The following PCLO variants were observed in gnomAD, a reference collection of about 807,000 sequenced individuals.
PCLO encodes protein piccolo.
A neutral mutation model predicts 427.5 loss-of-function variants in PCLO; 82 were observed. The ratio of observed to expected loss-of-function variants is 0.19; its 90% CI spans 0.16 to 0.23. The LOEUF is 0.23. Ranked by LOEUF, PCLO falls within the 10% of genes least tolerant of loss-of-function variation. The pLI, the probability that PCLO is intolerant of heterozygous loss-of-function variation, is 1.00. For missense variants in PCLO, 6,239 were observed against 6,115.9 expected (o/e 1.02, Z -0.67); for synonymous variants, 2,357 against 2,155.4 (o/e 1.09, Z -2.59).
At chr7:83,099,040 G>T (rs1790666545) in intron 3 of PCLO, among the ~76,000 whole-genome samples, 1 of 151,824 alleles carries the variant, frequency 6.6e-6, no homozygotes, top group South Asian at 2.1e-4. Flanking sequence ...GTAGGGTTAG[G>T]CTGGCAAATT....
intron 2 of PCLO, among the ~76,000 whole-genome samples, chr7:83,153,168 A>T (rs932972186): frequency 6.7e-6 from 1 of 150,282 alleles, no homozygotes; most frequent in African/African-American, 2.4e-5. Flanking sequence ...ACATATATAT[A>T]TGTATATATA....
At chr7:83,010,122 T>C (rs1412564026) in intron 3 of PCLO, among the ~76,000 whole-genome samples, 1 of 151,942 alleles carries the variant, frequency 6.6e-6, no homozygotes, top group East Asian at 1.9e-4. Flanking sequence ...TGTCACACAA[T>C]GTCTGTTTCT....
At chr7:82,929,123 AAG>A (rs1420195831) in intron 6 of PCLO, among the ~76,000 whole-genome samples, 2 of 152,104 alleles carry the variant, frequency 1.3e-5, no homozygotes, top group Non-Finnish European at 2.9e-5. Flanking sequence ...GAGGACATAT[AAG>A]AGAGAAGGAA....
In PCLO at chr7:82,955,924, C is replaced by T. The variant is rs534179701; in HGVS notation, c.5029G>A (p.Ala1677Thr). 6.2e-7 allele frequency: 1 copy of T among 1,613,932 alleles called. No individual in the cohort carries two copies. The highest frequency in any genetic ancestry group is 8.5e-7 in the Non-Finnish European group (1 of 1,179,876). The stretch of plus-strand genomic sequence containing the variant: ...GATGACTCTGCAGAATATTTATCTG[C>T]TATTGTACTGTTGAGCTCAATTGTT... The part of the protein sequence containing the change: ...FKTIELNSTI[A>T]DKYSAESSQK... The change falls in exon 5 of 25, where the codon GCA becomes ACA. Residue 1677 changes from alanine to threonine, a missense_variant. Physicochemically the swap from Ala to Thr is moderately conservative, Grantham distance 58 (BLOSUM62 0). This residue lies in a region of PCLO where 4,677 missense variants were observed against 4,468.4 expected (regional missense o/e 1.05). Coordinates refer to ENST00000333891, the MANE Select transcript of PCLO (RefSeq NM_033026.6).
At chr7:82,965,705 A>C in intron 4 of PCLO, 66 bp downstream of exon 4, 1 of 1,067,096 alleles carries the variant, frequency 9.4e-7, no homozygotes, top group East Asian at 2.4e-5. Flanking sequence ...AGCAACTTGT[A>C]TACTTAGGTT....
chr7:82,939,375 T>C (rs1283607642), intron 6 of PCLO, among the ~76,000 whole-genome samples: 1 of 152,016 alleles, frequency 6.6e-6, no homozygotes, highest in Non-Finnish European at 1.5e-5. Flanking sequence ...CACTAAATTA[T>C]GTTGAGGTAA....
intron 3 of PCLO, among the ~76,000 whole-genome samples, chr7:83,099,442 G>A (rs1287591916): frequency 6.7e-6 from 1 of 149,750 alleles, no homozygotes; most frequent in Non-Finnish European, 1.5e-5. Context: ...AGGCTGGAGT[G>A]CAGTGGCATG....
At chr7:82,919,985 T>G (rs1286085822) in intron 6 of PCLO, among the ~76,000 whole-genome samples, 1 of 151,866 alleles carries the variant, frequency 6.6e-6, no homozygotes, top group East Asian at 1.9e-4. Flanking sequence ...TGTACTATGT[T>G]TTAGGACTGG....
chr7:83,099,951 T>G (rs1346092669), intron 3 of PCLO, among the ~76,000 whole-genome samples: 1 of 151,364 alleles, frequency 6.6e-6, no homozygotes, highest in Non-Finnish European at 1.5e-5. Flanking sequence ...TAAAATCTAC[T>G]CATATAACAG....
intron 3 of PCLO, among the ~76,000 whole-genome samples, chr7:83,030,014 T>G: frequency 7.1e-6 from 1 of 140,774 alleles, no homozygotes. Context: ...TAATGCTAGA[T>G]GACGAGTTAG....
chr7:82,996,157 T>C (rs1023626783), intron 3 of PCLO, among the ~76,000 whole-genome samples: 1 of 151,888 alleles, frequency 6.6e-6, no homozygotes, highest in African/African-American at 2.4e-5. Context: ...AAATATGATC[T>C]GATTTTGCTA....
At chr7:83,057,126 G>A (rs1453358476) in intron 3 of PCLO, among the ~76,000 whole-genome samples, 2 of 145,588 alleles carry the variant, frequency 1.4e-5, no homozygotes, top group Admixed American at 6.9e-5. Flanking sequence ...CTCTGTCACC[G>A]AGGCTGGAGT....
chr7:82,901,926 A>G (rs13232162), intron 9 of PCLO, among the ~76,000 whole-genome samples: 46,331 of 150,706 alleles, frequency 0.31, 8,230 homozygotes, highest in East Asian at 0.6. Context: ...TCAGGAAACA[A>G]CAGGTGCTGG....
chr7:83,000,344 A>C (rs10227045), intron 3 of PCLO, among the ~76,000 whole-genome samples: 1 of 150,784 alleles, frequency 6.6e-6, no homozygotes, highest in Non-Finnish European at 1.5e-5. Context: ...CTCTGAAACT[A>C]TCTCTACAAA....
chr7:83,132,786 A>T (rs1791607094), intron 3 of PCLO, among the ~76,000 whole-genome samples: 1 of 152,110 alleles, frequency 6.6e-6, no homozygotes. Context: ...TACTATAAGG[A>T]TCCTCCTTAC....
intron 3 of PCLO, among the ~76,000 whole-genome samples, chr7:83,121,772 C>A (rs935581724): frequency 3.3e-5 from 5 of 152,000 alleles, no homozygotes; most frequent in Non-Finnish European, 7.4e-5. Flanking sequence ...TGAAAAGAAT[C>A]AAAGAAGGTA....
intron 9 of PCLO, among the ~76,000 whole-genome samples, chr7:82,885,309 G>T (rs947727779): frequency 4.6e-5 from 7 of 152,082 alleles, no homozygotes; most frequent in African/African-American, 1.4e-4. Context: ...AGAGTATGGG[G>T]AATTCAGTTC....
chr7:82,911,066 T>C (rs1794308784), intron 7 of PCLO, among the ~76,000 whole-genome samples: 2 of 152,140 alleles, frequency 1.3e-5, no homozygotes, highest in African/African-American at 4.8e-5. Flanking sequence ...TATAATTCTT[T>C]GAAATGTGTG....
At chr7:82,962,700 A>G (rs1698227694) in intron 4 of PCLO, among the ~76,000 whole-genome samples, 1 of 152,028 alleles carries the variant, frequency 6.6e-6, no homozygotes, top group South Asian at 2.1e-4. Context: ...AATAAAAAAT[A>G]TTAAAAATTG....
Sources: gnomAD v4.1 joint callset for allele counts (sites outside exome capture counted in the v4.1 genomes callset) on GRCh38, gnomAD v4.1.1 for gene constraint, gnomAD v4.1.1 regional missense constraint, MANE v1.5 for transcripts, NCBI Gene and HGNC (gene_info 2026-07-23, HGNC 2026-07-21) for gene names.